Variants in PRDM10 observed in about 807,000 individuals in gnomAD.
The protein encoded by PRDM10 is PR/SET domain 10, also known as PR domain zinc finger protein 10.
Under a neutral mutation model 133.1 loss-of-function variants are expected in PRDM10, and 65 were observed. The observed-to-expected ratio is 0.49, with a 90% confidence interval of 0.40 to 0.60. PRDM10 has a LOEUF of 0.60. PRDM10 is among the 20% of genes least tolerant of loss of function. The pLI is 0.00. For synonymous variants in PRDM10, 582 were observed against 580.4 expected (o/e 1.00, Z -0.04); for missense variants, 1,137 against 1,507.1 (o/e 0.75, Z 4.07).
At chr11:129,953,247 G>A (rs1186858256) in intron 4 of PRDM10, among the ~76,000 whole-genome samples, 1 of 152,050 alleles carries the variant, frequency 6.6e-6, no homozygotes, top group Non-Finnish European at 1.5e-5. Flanking sequence ...CAAAGTGCTG[G>A]GATAACAGGC....
chr11:129,916,185 T>C (rs1255895121), intron 15 of PRDM10, among the ~76,000 whole-genome samples: 1 of 152,190 alleles, frequency 6.6e-6, no homozygotes, highest in African/African-American at 2.4e-5. Context: ...TTAAGGCCCA[T>C]CCACCTCATA....
At chr11:129,935,880 G>A (rs1388072361) in intron 8 of PRDM10, among the ~76,000 whole-genome samples, 1 of 152,204 alleles carries the variant, frequency 6.6e-6, no homozygotes. Flanking sequence ...TGAGTAACAG[G>A]AGTGTCTTTG....
chr11:129,909,140 A>G (rs1349067745), intron 19 of PRDM10, among the ~76,000 whole-genome samples: 1 of 152,000 alleles, frequency 6.6e-6, no homozygotes, highest in African/African-American at 2.4e-5. Flanking sequence ...CCTCAATGTG[A>G]CGTCCAATGT....
At chr11:129,920,567 T>C (rs1950494611) in intron 13 of PRDM10, among the ~76,000 whole-genome samples, 1 of 151,964 alleles carries the variant, frequency 6.6e-6, no homozygotes, top group African/African-American at 2.4e-5. Flanking sequence ...CGCGCTAGCT[T>C]AACCCGCTTC....
chr11:129,964,938 A>T (rs1208094505), intron 1 of PRDM10, among the ~76,000 whole-genome samples: 1 of 152,236 alleles, frequency 6.6e-6, no homozygotes, highest in East Asian at 1.9e-4. Context: ...GTGATTAAAT[A>T]TATCAATTTT....
At chr11:129,994,093 G>T (rs943476435) in intron 1 of PRDM10, among the ~76,000 whole-genome samples, 1 of 151,952 alleles carries the variant, frequency 6.6e-6, no homozygotes, top group African/African-American at 2.4e-5. Context: ...TTAAAACCAT[G>T]AATCTGAAAA....
intron 10 of PRDM10, among the ~76,000 whole-genome samples, chr11:129,931,783 T>C (rs1160408927): frequency 6.6e-6 from 1 of 152,012 alleles, no homozygotes; most frequent in Non-Finnish European, 1.5e-5. Flanking sequence ...TTAGCCAGGA[T>C]GGTCTCGATC....
At chr11:129,965,255 C>A (rs73577258) in intron 1 of PRDM10, among the ~76,000 whole-genome samples, 1 of 151,806 alleles carries the variant, frequency 6.6e-6, no homozygotes, top group South Asian at 2.1e-4. Context: ...AAAAAAAAAA[C>A]GGAAAGAAAG....
intron 1 of PRDM10, among the ~76,000 whole-genome samples, chr11:129,970,963 T>C (rs1952008568): frequency 1.3e-5 from 2 of 152,132 alleles, no homozygotes; most frequent in African/African-American, 4.8e-5. Flanking sequence ...GTGTCCGAAA[T>C]TGGTGGGTTC....
At chr11:129,995,171 T>C (rs75292607) in intron 1 of PRDM10, among the ~76,000 whole-genome samples, 1,555 of 152,306 alleles carry the variant, frequency 0.01, 32 homozygotes, top group African/African-American at 0.035. Flanking sequence ...GATAAAGTAC[T>C]TACACAGTCC....
chr11:129,918,708 T>G lies in PRDM10; in HGVS notation c.2045A>C (p.Lys682Thr). Reference protein sequence around the residue: ...TCGKQFKRKDKLREHMQRMHN... With the variant: ...TCGKQFKRKDTLREHMQRMHN... Reference sequence around the variant, plus strand: ...CATCCTCTGCATGTGTTCCCGTAGTTTGTCTTTTCGCTATTTGGAGAGTAT... The same window carrying G: ...CATCCTCTGCATGTGTTCCCGTAGTGTGTCTTTTCGCTATTTGGAGAGTAT... Residue 682 changes from lysine (K) to threonine (T), a missense_variant, in exon 14 of 21, where the codon AAA becomes ACA. By Grantham distance (78) the Lys-to-Thr change is moderately conservative. Transcript: ENST00000360871. This position sits in a 1 kb window ranked among gnomAD's most constrained non-coding sequence, Gnocchi z 5.3. 6.2e-7 allele frequency: 1 copy of G among 1,609,546 alleles called. No individual in the cohort carries two copies. Among genetic ancestry groups the G allele is most frequent in the East Asian group, 2.2e-5 (1 of 44,800 alleles).
intron 13 of PRDM10, among the ~76,000 whole-genome samples, chr11:129,922,147 C>T (rs529155350): frequency 1.3e-5 from 2 of 152,330 alleles, no homozygotes; most frequent in East Asian, 1.9e-4. Flanking sequence ...AGTGGCTTTG[C>T]TTCCCTGATT....
chr11:129,948,852 C>T lies in PRDM10; in HGVS notation c.295-1482G>A, dbSNP rs77507819. 3.8e-3 allele frequency among the ~76,000 whole-genome samples: 579 copies of T among 152,244 alleles called. 4 individuals carry two copies. The highest frequency in any genetic ancestry group is 0.013 in the African/African-American group (538 of 41,538). The stretch of plus-strand genomic sequence containing the variant: ...GGTGCATTAGTGTTTACGTTGGCCA[C>T]GTTGCTCTACTGCAGACCCATCCTG... On this transcript the variant is annotated intron_variant, in intron 4 of 20. Coordinates refer to ENST00000360871, the MANE Select transcript of PRDM10 (RefSeq NM_199437.2).
chr11:129,981,963 A>G (rs1938135731), intron 1 of PRDM10, among the ~76,000 whole-genome samples: 1 of 151,956 alleles, frequency 6.6e-6, no homozygotes, highest in Non-Finnish European at 1.5e-5. Context: ...CTCATAAAAA[A>G]ATTATAAAAT....
chr11:129,915,256 A>AT (rs1555103601), intron 16 of PRDM10, among the ~76,000 whole-genome samples: 7 of 149,522 alleles, frequency 4.7e-5, no homozygotes, highest in Non-Finnish European at 7.5e-5. Flanking sequence ...AGGTCTCAAT[A>AT]CCCCCCCCAA....
intron 7 of PRDM10, among the ~76,000 whole-genome samples, chr11:129,941,295 G>C (rs978959527): frequency 1.3e-5 from 2 of 152,012 alleles, no homozygotes; most frequent in Non-Finnish European, 2.9e-5. Context: ...CTTAATATAA[G>C]CTTTATTTTA....
chr11:129,963,382 G>GAGAAGAGA (rs775553291), intron 1 of PRDM10, among the ~76,000 whole-genome samples: 6 of 74,638 alleles, frequency 8.0e-5, no homozygotes, highest in African/African-American at 1.2e-4. Flanking sequence ...AAAGAAAAAA[G>GAGAAGAGA]AGAGAAGAGA....
At chr11:129,940,672 T>C (rs1951178136) in intron 7 of PRDM10, among the ~76,000 whole-genome samples, 1 of 152,216 alleles carries the variant, frequency 6.6e-6, no homozygotes, top group African/African-American at 2.4e-5. Context: ...CATGTAGGTA[T>C]TAAGCCCAGA....
At chr11:129,934,891 G>T (rs1950978639) in intron 9 of PRDM10, among the ~76,000 whole-genome samples, 1 of 152,220 alleles carries the variant, frequency 6.6e-6, no homozygotes, top group Admixed American at 6.5e-5. Context: ...ATCTCCCATT[G>T]CTGGGTATTG....
Sources: gnomAD v4.1 joint callset for allele counts (sites outside exome capture counted in the v4.1 genomes callset) on GRCh38, gnomAD v4.1.1 for gene constraint, Gnocchi (gnomAD v3.1) non-coding constraint, MANE v1.5 for transcripts, NCBI Gene and HGNC (gene_info 2026-07-23, HGNC 2026-07-21) for gene names.